Variants in UNC13C observed in about 807,000 individuals in gnomAD.
The protein encoded by UNC13C is unc-13 homolog C, also known as protein unc-13 homolog C.
Under a neutral mutation model 245.4 loss-of-function variants are expected in UNC13C, and 174 were observed. That is an observed-to-expected ratio of 0.71 (90% CI 0.63 to 0.80). The LOEUF is 0.80. Ranked by LOEUF, UNC13C falls within the 30% of genes least tolerant of loss-of-function variation. The pLI is 0.00. For synonymous variants in UNC13C, 992 were observed against 895.1 expected (o/e 1.11, Z -1.93); for missense variants, 2,829 against 2,602.9 (o/e 1.09, Z -1.89).
intron 17 of UNC13C, among the ~76,000 whole-genome samples, chr15:54,371,248 T>A (rs1443223676): frequency 6.6e-6 from 1 of 152,164 alleles, no homozygotes; most frequent in African/African-American, 2.4e-5. Flanking sequence ...GAGATCAACT[T>A]TTTTAGATTC....
the UNC13C span, among the ~76,000 whole-genome samples, chr15:53,969,375 T>C: frequency 6.6e-6 from 1 of 152,174 alleles, no homozygotes; most frequent in Admixed American, 6.5e-5. Flanking sequence ...TGAATGTTAA[T>C]ACATAGCCTG....
At chr15:54,008,025 T>A (rs1895219627) in intron 1 of UNC13C, among the ~76,000 whole-genome samples, 1 of 152,216 alleles carries the variant, frequency 6.6e-6, no homozygotes, top group Non-Finnish European at 1.5e-5. Flanking sequence ...TTACTGCATT[T>A]AGTAAGGAAC....
At chr15:54,146,637 G>T (rs1240546194) in intron 4 of UNC13C, among the ~76,000 whole-genome samples, 3 of 152,178 alleles carry the variant, frequency 2.0e-5, no homozygotes, top group African/African-American at 4.8e-5. Context: ...AAGTAGGAAA[G>T]ATACATGTTT....
At chr15:53,919,590 C>T in the UNC13C span, among the ~76,000 whole-genome samples, 4 of 152,162 alleles carry the variant, frequency 2.6e-5, no homozygotes, top group East Asian at 1.9e-4. Flanking sequence ...ACTGAAAGCA[C>T]GCTGTAATAT....
intron 17 of UNC13C, among the ~76,000 whole-genome samples, chr15:54,379,042 C>G (rs140067494): frequency 4.6e-5 from 7 of 151,908 alleles, no homozygotes; most frequent in Middle Eastern, 3.2e-3. Flanking sequence ...TATGGAAATT[C>G]CTAGTTTTGT....
chr15:53,906,924 G>A, the UNC13C span, among the ~76,000 whole-genome samples: 15 of 152,134 alleles, frequency 9.9e-5, no homozygotes, highest in African/African-American at 1.9e-4. Flanking sequence ...ATCATGTCTC[G>A]TGAGAACTCA....
rs1302572518 is a variant in UNC13C, at chr15:54,627,667, C to G, written c.*554C>G. 1 of 152,604 alleles carries G rather than the reference C, an allele frequency of 6.6e-6. No individual in the cohort carries two copies. The highest frequency in any genetic ancestry group is 1.5e-5 in the Non-Finnish European group (1 of 68,038). 9.5% of individuals were successfully genotyped at this position (152,604 alleles called of 1,614,324 possible). ...ATATTTTCTGCTGACCAGTTTCCAA[C>G]CTTTCTGAAATATCACTGTGAAGAA... On this transcript the variant is annotated 3_prime_UTR_variant, in exon 33 of 33. Transcript: ENST00000260323.
chr15:54,264,880 C>A (rs984930822), intron 9 of UNC13C, among the ~76,000 whole-genome samples: 1 of 151,816 alleles, frequency 6.6e-6, no homozygotes, highest in Non-Finnish European at 1.5e-5. Context: ...ACTGTGCAGC[C>A]TGTTAACATT....
At chr15:54,458,713 G>A (rs1024888714) in intron 19 of UNC13C, among the ~76,000 whole-genome samples, 14 of 118,094 alleles carry the variant, frequency 1.2e-4, no homozygotes, top group African/African-American at 4.2e-4. Context: ...TAAGGGAATA[G>A]CTACTCCTGC....
the UNC13C span, chr15:53,910,950 G>C: frequency 8.7e-6 from 1 of 114,498 alleles, no homozygotes; most frequent in Non-Finnish European, 2.1e-5. Context: ...GAGGGCTCCT[G>C]GGTCAGCTAT....
chr15:54,093,839 A>T (rs564446462), intron 2 of UNC13C, among the ~76,000 whole-genome samples: 1 of 152,216 alleles, frequency 6.6e-6, no homozygotes, highest in Non-Finnish European at 1.5e-5. Context: ...TTTATCCTCA[A>T]AATGGTCTTT....
the UNC13C span, among the ~76,000 whole-genome samples, chr15:53,893,988 T>A: frequency 6.6e-6 from 1 of 152,206 alleles, no homozygotes; most frequent in Non-Finnish European, 1.5e-5. Flanking sequence ...CTGGAGGGAA[T>A]CTGCTGGTCT....
intron 19 of UNC13C, among the ~76,000 whole-genome samples, chr15:54,418,105 G>A (rs1196702523): frequency 6.6e-6 from 1 of 152,010 alleles, no homozygotes; most frequent in Non-Finnish European, 1.5e-5. Context: ...CAGTTTAATT[G>A]TCCATATTGA....
intron 10 of UNC13C, among the ~76,000 whole-genome samples, chr15:54,267,207 A>C (rs971749418): frequency 2.0e-5 from 3 of 152,088 alleles, no homozygotes; most frequent in Non-Finnish European, 2.9e-5. Context: ...TAGAAGTGGA[A>C]TGAATAGCTG....
chr15:54,144,636 G>T (rs575083709), intron 4 of UNC13C, among the ~76,000 whole-genome samples: 37 of 152,186 alleles, frequency 2.4e-4, no homozygotes, highest in Middle Eastern at 3.4e-3. Flanking sequence ...CATTGCCTCT[G>T]CAACTTGCCG....
At chr15:53,998,182 A>G (rs1051021544) in intron 1 of UNC13C, among the ~76,000 whole-genome samples, 1 of 152,134 alleles carries the variant, frequency 6.6e-6, no homozygotes, top group African/African-American at 2.4e-5. Context: ...TTTTATTTCC[A>G]AATTCTCAAA....
At chr15:54,473,223 AT>A (rs1892555211) in intron 19 of UNC13C, among the ~76,000 whole-genome samples, 2 of 81,984 alleles carry the variant, frequency 2.4e-5, no homozygotes, top group South Asian at 9.3e-4. Flanking sequence ...ATTTTATTTT[AT>A]TTTATTGATA....
intron 4 of UNC13C, among the ~76,000 whole-genome samples, chr15:54,188,219 T>G (rs28673576): frequency 0.098 from 14,893 of 152,162 alleles, 1,157 homozygotes; most frequent in African/African-American, 0.21. Context: ...TCTTACATTA[T>G]TTAAACTAAG....
intron 4 of UNC13C, among the ~76,000 whole-genome samples, chr15:54,185,108 C>T (rs8041997): frequency 0.44 from 67,551 of 151,832 alleles, 15,632 homozygotes; most frequent in Middle Eastern, 0.58. Context: ...CACTTTTTGA[C>T]GGGGTTGTTT....
Sources: gnomAD v4.1 joint callset for allele counts (sites outside exome capture counted in the v4.1 genomes callset) on GRCh38, gnomAD v4.1.1 for gene constraint, MANE v1.5 for transcripts, NCBI Gene and HGNC (gene_info 2026-07-23, HGNC 2026-07-21) for gene names.